The following MATN2 variants were observed in gnomAD, a reference collection of about 807,000 sequenced individuals.
MATN2 encodes the protein matrilin-2.
Under a neutral mutation model 103.2 loss-of-function variants are expected in MATN2, and 69 were observed. That is an observed-to-expected ratio of 0.67 (90% confidence interval 0.55 to 0.82). The LOEUF is 0.82. Among genes scored for constraint, MATN2 ranks in the 40% least tolerant of loss-of-function variants. MATN2 has a pLI of 0.00. For missense variants in MATN2, 1,023 were observed against 1,211.5 expected (o/e 0.84, Z 2.31); for synonymous variants, 429 against 450.2 (o/e 0.95, Z 0.60).
chr8:98,023,938 A>G (rs531199730), intron 13 of MATN2, among the ~76,000 whole-genome samples: 2 of 152,308 alleles, frequency 1.3e-5, no homozygotes, highest in African/African-American at 4.8e-5. Flanking sequence ...ACTAACACAG[A>G]AACAGAAAAC....
chr8:97,949,171 ATT>A (rs71271175), intron 4 of MATN2, among the ~76,000 whole-genome samples: 1 of 140,474 alleles, frequency 7.1e-6, no homozygotes, highest in Non-Finnish European at 1.5e-5. Context: ...ACTAGAATGG[ATT>A]TTTTTTTTTT....
At chr8:97,876,644 A>G (rs1242724671) in intron 1 of MATN2, among the ~76,000 whole-genome samples, 3 of 152,168 alleles carry the variant, frequency 2.0e-5, no homozygotes, top group Non-Finnish European at 2.9e-5. Flanking sequence ...TTATTGACGT[A>G]TACATACAAA....
intron 2 of MATN2, among the ~76,000 whole-genome samples, chr8:97,912,987 G>A (rs938211551): frequency 2.1e-4 from 32 of 152,256 alleles, no homozygotes; most frequent in African/African-American, 7.2e-4. Context: ...GGACCACCAC[G>A]CAAGAGCACC....
At chr8:97,907,601 C>A (rs531167209) in intron 2 of MATN2, among the ~76,000 whole-genome samples, 25 of 151,994 alleles carry the variant, frequency 1.6e-4, no homozygotes, top group African/African-American at 4.6e-4. Context: ...GGATTACAGG[C>A]GTGAGCCATG....
intron 2 of MATN2, among the ~76,000 whole-genome samples, chr8:97,923,783 C>G (rs1809895255): frequency 6.6e-6 from 1 of 152,138 alleles, no homozygotes; most frequent in Non-Finnish European, 1.5e-5. Context: ...TCTCAAACTC[C>G]TAACCTCAAG....
chr8:97,897,285 G>C (rs1278070523), intron 2 of MATN2, among the ~76,000 whole-genome samples: 1 of 152,238 alleles, frequency 6.6e-6, no homozygotes, highest in Non-Finnish European at 1.5e-5. Context: ...ACTAGAAGAA[G>C]ATGCTGTGGG....
intron 1 of MATN2, among the ~76,000 whole-genome samples, chr8:97,876,407 T>C (rs2129933182): frequency 6.6e-6 from 1 of 152,182 alleles, no homozygotes; most frequent in African/African-American, 2.4e-5. Context: ...CAGGCTGGTC[T>C]TGAACTCCCG....
chr8:97,900,385 G>A (rs1000949559), intron 2 of MATN2, among the ~76,000 whole-genome samples: 1 of 152,216 alleles, frequency 6.6e-6, no homozygotes, highest in Non-Finnish European at 1.5e-5. Flanking sequence ...AGAGCCCGGA[G>A]GGGCCTTTAG....
chr8:97,888,282 G>A (rs1406523168), intron 2 of MATN2, 40 bp downstream of exon 2: 2 of 1,463,598 alleles, frequency 1.4e-6, no homozygotes, highest in South Asian at 2.9e-5. Flanking sequence ...GGCAGGTGGG[G>A]GTGGTTTGGG....
At chr8:97,947,420 C>G (rs538009325) in intron 4 of MATN2, among the ~76,000 whole-genome samples, 34 of 152,236 alleles carry the variant, frequency 2.2e-4, no homozygotes, top group Admixed American at 5.9e-4. Flanking sequence ...AGCAATGTTG[C>G]AAGATAAAAA....
At chr8:97,966,244 G>C (rs988536447) in intron 5 of MATN2, among the ~76,000 whole-genome samples, 1 of 151,932 alleles carries the variant, frequency 6.6e-6, no homozygotes, top group African/African-American at 2.4e-5. Context: ...AGTGATGGAA[G>C]AGTGATGGAA....
chr8:98,032,740 C>G (rs566517237), intron 16 of MATN2, among the ~76,000 whole-genome samples: 5 of 152,120 alleles, frequency 3.3e-5, no homozygotes, highest in Non-Finnish European at 7.4e-5. Flanking sequence ...CCATGTTGGC[C>G]AGGCTGGTCT....
At chr8:97,873,625 T>G (rs1037114507) in intron 1 of MATN2, among the ~76,000 whole-genome samples, 1 of 152,048 alleles carries the variant, frequency 6.6e-6, no homozygotes, top group African/African-American at 2.4e-5. Flanking sequence ...CCACCATGCT[T>G]GGCTGTTTTC....
intron 5 of MATN2, among the ~76,000 whole-genome samples, chr8:97,963,126 C>G (rs1811366642): frequency 6.6e-6 from 1 of 152,208 alleles, no homozygotes; most frequent in African/African-American, 2.4e-5. Context: ...CAGAGCGAGA[C>G]TCATCTCAAA....
At chr8:97,910,076 T>G (rs1248429030) in intron 2 of MATN2, among the ~76,000 whole-genome samples, 2 of 150,818 alleles carry the variant, frequency 1.3e-5, no homozygotes, top group Non-Finnish European at 3.0e-5. Context: ...TTTTTTTTTT[T>G]TTTGAGATGG....
chr8:97,891,225 A>G (rs1253797922), intron 2 of MATN2, among the ~76,000 whole-genome samples: 1 of 152,252 alleles, frequency 6.6e-6, no homozygotes, highest in East Asian at 1.9e-4. Context: ...GTAGAGGCAT[A>G]GCTACATTAT....
intron 14 of MATN2, among the ~76,000 whole-genome samples, chr8:98,028,731 C>A (rs917555351): frequency 1.3e-5 from 2 of 152,032 alleles, no homozygotes; most frequent in African/African-American, 4.8e-5. Context: ...GTACTACAGG[C>A]GCCCGCCACC....
chr8:97,958,881 C>T (rs1186826395), intron 4 of MATN2, among the ~76,000 whole-genome samples: 1 of 152,186 alleles, frequency 6.6e-6, no homozygotes, highest in Non-Finnish European at 1.5e-5. Context: ...TGTCAATGGT[C>T]TTTCCCATCC....
chr8:97,891,924 A>T (rs968833267), intron 2 of MATN2, among the ~76,000 whole-genome samples: 5 of 151,928 alleles, frequency 3.3e-5, no homozygotes, highest in African/African-American at 1.2e-4. Context: ...CAACATAGGG[A>T]TACCTTGTCT....
Sources: gnomAD v4.1 joint callset for allele counts (sites outside exome capture counted in the v4.1 genomes callset) on GRCh38, gnomAD v4.1.1 for gene constraint, MANE v1.5 for transcripts, NCBI Gene and HGNC (gene_info 2026-07-23, HGNC 2026-07-21) for gene names.